Variants in RGCC observed in about 807,000 individuals in gnomAD.
RGCC encodes the protein regulator of cell cycle.
A neutral mutation model predicts 15.4 loss-of-function variants in RGCC; 15 were observed. The observed-to-expected ratio is 0.97, with a 90% CI of 0.65 to 1.50. The LOEUF (loss-of-function observed/expected upper bound fraction) is 1.50. Ranked by LOEUF, RGCC falls within the 40% of genes most tolerant of loss-of-function variation. RGCC has a pLI of 0.00. For synonymous variants in RGCC, 81 were observed against 78.0 expected, an observed-to-expected ratio of 1.04 and a Z score of -0.20; for missense variants, 176 against 189.7, an observed-to-expected ratio of 0.93 and a Z score of 0.42.
chr13:41,464,649 T>C (rs77545682), intron 2 of RGCC, among the ~76,000 whole-genome samples: 13,740 of 152,232 alleles, frequency 0.09, 687 homozygotes, highest in Non-Finnish European at 0.11. Flanking sequence ...GGCATACCCA[T>C]GGGAATGAGC....
chr13:41,460,009 G>C (rs923626489), intron 2 of RGCC, among the ~76,000 whole-genome samples: 2 of 152,226 alleles, frequency 1.3e-5, no homozygotes, highest in African/African-American at 4.8e-5. Context: ...TCTGTTTTCA[G>C]ATGCCTTAAA....
At chr13:41,460,096 T>C (rs2043814055) in intron 2 of RGCC, among the ~76,000 whole-genome samples, 1 of 152,234 alleles carries the variant, frequency 6.6e-6, no homozygotes, top group African/African-American at 2.4e-5. Context: ...TTAGGTTATA[T>C]GTGTCTGTTT....
chr13:41,457,981 G>A lies in RGCC; in HGVS notation c.49+225G>A, dbSNP rs371394032. Among the ~76,000 whole-genome samples, 3 of 152,022 alleles carry A rather than the reference G, an allele frequency of 2.0e-5. No homozygotes were observed. Among genetic ancestry groups the A allele is most frequent in the African/African-American group, 7.2e-5 (3 of 41,424 alleles). ...ACCAGCTCCGCGCGCGCCCGGGGTT[G>A]GGGGGAGCGGCGGGGACAGGTAACC... is the stretch of plus-strand genomic sequence containing the variant. On this transcript the variant is annotated intron_variant, in intron 1 of 4. Transcript: ENST00000379359. The surrounding 1 kb of genome is among the most constrained non-coding windows in gnomAD (Gnocchi z 4.9).
At chr13:41,469,289 T>TAAGAAGAAGAAG (rs769260478) in intron 4 of RGCC, among the ~76,000 whole-genome samples, 46 of 101,118 alleles carry the variant, frequency 4.5e-4, no homozygotes, top group African/African-American at 1.3e-3. Context: ...ATAATAATAA[T>TAAGAAGAAGAAG]AATAATAAGA....
rs2043860142 is a variant in RGCC, at chr13:41,468,787, G to A, written c.355G>A (p.Asp119Asn). The change falls in exon 4 of 5, where the codon GAC becomes AAC. Residue 119 changes from aspartate to asparagine, a missense_variant. Transcript: ENST00000379359. Reference sequence around the variant, plus strand: ...CTCCTGTTTCACAGCTAAATTAGGAGACACAAAAGAGCTAGAAGCCTTCAT... The same window carrying A: ...CTCCTGTTTCACAGCTAAATTAGGAAACACAAAAGAGCTAGAAGCCTTCAT... ...TVTPQKAKLG[D>N]TKELEAFIAD... 2 of 1,607,280 alleles carry A rather than the reference G, an allele frequency of 1.2e-6. No individual in the cohort carries two copies. The highest frequency in any genetic ancestry group is 8.5e-7 in the Non-Finnish European group (1 of 1,178,794).
chr13:41,458,465 C>T lies in RGCC; in HGVS notation c.230C>T (p.Ser77Leu). ...AGCGACAGCAGCGGCTTCAGCGACT[C>T]GGAGAGTAAGTGCGGCCCCCGCTAG... ...SVSDSSGFSD[S>L]ESADSLYRNS... is the part of the protein sequence containing the mutation. The change falls in exon 2 of 5, where the codon TCG becomes TTG. Residue 77 changes from serine (S) to leucine (L), a missense_variant. Ser to Leu is a moderately radical substitution (Grantham distance 145). Coordinates refer to ENST00000379359, the MANE Select transcript of RGCC (RefSeq NM_014059.3). The surrounding 1 kb of genome is among the most constrained non-coding windows in gnomAD (Gnocchi z 4.4). The T allele has an allele frequency of 6.3e-7, 1 of 1,596,042 alleles. No individual in the cohort carries two copies. Among genetic ancestry groups the T allele is most frequent in the Admixed American group, 1.7e-5 (1 of 59,248 alleles).
At chr13:41,466,668 C>T (rs1185937977) in intron 2 of RGCC, among the ~76,000 whole-genome samples, 155 bp from the exon 3 acceptor site, 3 of 152,154 alleles carry the variant, frequency 2.0e-5, no homozygotes, top group African/African-American at 4.8e-5. Context: ...AGATTACAGC[C>T]GTGAGCCACC....
chr13:41,458,307 C>T lies in RGCC; in HGVS notation c.72C>T (p.Ala24=). 6 of 1,580,598 alleles carry T rather than the reference C, an allele frequency of 3.8e-6. No homozygotes were observed. Among genetic ancestry groups the T allele is most frequent in the South Asian group, 1.1e-5 (1 of 88,080 alleles). ...AAAAPALDSA[A]AEDLSDALCE... Reference sequence around the variant, plus strand: ...CAGCCCCGGCCCTGGACTCGGCGGCCGCGGAGGACCTGTCGGACGCGCTGT... The same window carrying T: ...CAGCCCCGGCCCTGGACTCGGCGGCTGCGGAGGACCTGTCGGACGCGCTGT... The change falls in exon 2 of 5, where the codon GCC becomes GCT. Residue 24 remains alanine, a synonymous_variant. Coordinates refer to ENST00000379359, the MANE Select transcript of RGCC (RefSeq NM_014059.3). This position sits in a 1 kb window ranked among gnomAD's most constrained non-coding sequence, Gnocchi z 4.4.
Position 41,458,360 on chromosome 13 carries a change from T to G in RGCC, c.125T>G (p.Phe42Cys). The part of the protein sequence containing the change: ...LCEFDAVLAD[F>C]ASPFHERHFH... ...GAGTTTGACGCGGTGCTGGCCGACT[T>G]CGCGTCGCCCTTCCACGAGCGCCAC... The change falls in exon 2 of 5, where the codon TTC (phenylalanine) becomes TGC (cysteine). Residue 42 changes from phenylalanine (F) to cysteine (C), a missense_variant. Transcript: ENST00000379359. The surrounding 1 kb of genome is among the most constrained non-coding windows in gnomAD (Gnocchi z 4.4). 6.3e-7 allele frequency: 1 copy of G among 1,593,840 alleles called. No homozygotes were observed.
intron 2 of RGCC, chr13:41,464,088 C>T (rs1414593676): frequency 2.0e-5 from 3 of 152,676 alleles, no homozygotes; most frequent in Admixed American, 1.3e-4. Flanking sequence ...CTCTCCCAGG[C>T]CAGCTGCTTG....
At chr13:41,469,096 C>T (rs1401755250) in intron 4 of RGCC, among the ~76,000 whole-genome samples, 1 of 151,926 alleles carries the variant, frequency 6.6e-6, no homozygotes, top group East Asian at 1.9e-4. Flanking sequence ...CCAATCTCTA[C>T]TAAAAAATAC....
At chr13:41,460,637 C>A (rs1431234767) in intron 2 of RGCC, among the ~76,000 whole-genome samples, 1 of 152,108 alleles carries the variant, frequency 6.6e-6, no homozygotes, top group Non-Finnish European at 1.5e-5. Flanking sequence ...GTCAGTAGAG[C>A]TTAGATTGAG....
At chr13:41,460,594 G>C (rs1012997927) in intron 2 of RGCC, among the ~76,000 whole-genome samples, 1 of 152,178 alleles carries the variant, frequency 6.6e-6, no homozygotes, top group East Asian at 1.9e-4. Flanking sequence ...TGTTTATGAA[G>C]GTGTCTCTTT....
rs1593579622 is a variant in RGCC at position 41,468,644 on chromosome 13, A to G, written c.344-132A>G. 3 of 705,610 alleles carry G rather than the reference A, an allele frequency of 4.3e-6. No homozygotes were observed. The East Asian group carries it at 8.1e-5, about 19-fold the overall frequency. The allele number at this position is 705,610 out of a possible 1,614,324, so 43.7% of individuals were successfully genotyped here. On this transcript the variant is annotated intron_variant, in intron 3 of 4. Transcript: ENST00000379359. ...TCTCTGAAGATAAGGAGGTAGATGT[A>G]AAATAGAAATAATCCATTCTATAAC...
chr13:41,462,272 T>C, intron 2 of RGCC, among the ~76,000 whole-genome samples: 1 of 152,190 alleles, frequency 6.6e-6, no homozygotes, highest in South Asian at 2.1e-4. Context: ...GCGCTAACCC[T>C]AAATTACCTT....
Position 41,466,889 on chromosome 13 carries a change from C to G in RGCC, c.302C>G (p.Ser101Cys), listed in dbSNP as rs756589358. ...SDEKLNSPTD[S>C]TPALLSATVT... is the part of the protein sequence containing the mutation. ...GAAAAACTGAATTCTCCAACAGACT[C>G]TACCCCAGCTCTTCTCTCTGCCACT... The change falls in exon 3 of 5, where the codon TCT becomes TGT. Residue 101 changes from serine to cysteine, a missense_variant. Physicochemically the swap from Ser to Cys is moderately radical, Grantham distance 112. Coordinates refer to ENST00000379359, the MANE Select transcript of RGCC (RefSeq NM_014059.3). 9.9e-6 allele frequency: 16 copies of G among 1,613,912 alleles called. No homozygotes were observed. Among genetic ancestry groups the G allele is most frequent in the Non-Finnish European group, 1.3e-5 (15 of 1,179,780 alleles).
intron 2 of RGCC, among the ~76,000 whole-genome samples, chr13:41,463,469 C>CTG (rs67077388): frequency 7.1e-4 from 86 of 121,190 alleles, no homozygotes; most frequent in African/African-American, 2.6e-3. Flanking sequence ...TAATGTGTAT[C>CTG]TGTGTGTGTG....
intron 3 of RGCC, among the ~76,000 whole-genome samples, chr13:41,467,259 G>A (rs1470015595): frequency 1.3e-5 from 2 of 152,230 alleles, no homozygotes; most frequent in Non-Finnish European, 2.9e-5. Context: ...TCCCAGACTT[G>A]TTGGTTCTAG....
In RGCC at chr13:41,464,872, G is replaced by A. The variant is rs546823969; in HGVS notation, c.236-1951G>A. Among the ~76,000 whole-genome samples the A allele has an allele frequency of 2.1e-3, 327 of 152,176 alleles. 3 individuals carry two copies. The Middle Eastern group carries it at 0.048, about 22-fold the overall frequency. On this transcript the variant is annotated intron_variant, in intron 2 of 4. Coordinates refer to ENST00000379359, the MANE Select transcript of RGCC (RefSeq NM_014059.3). ...AAAGATTGTGAGGGTTGCTCTCAAG[G>A]GTCTTCTGGGCATGTTTGGAAAAGT...
Sources: allele counts gnomAD v4.1 joint callset (sites outside exome capture counted in the v4.1 genomes callset), GRCh38; gene constraint gnomAD v4.1.1; non-coding constraint Gnocchi (gnomAD v3.1); transcripts MANE v1.5; gene names NCBI Gene and HGNC (gene_info 2026-07-23, HGNC 2026-07-21).